The following PAX5 variants were observed in gnomAD, a reference collection of about 807,000 sequenced individuals.
PAX5 encodes the protein paired box protein Pax-5.
PAX5 carries 9 observed loss-of-function variants against 43.7 expected under a neutral mutation model. That is an observed-to-expected ratio of 0.21 (90% CI 0.12 to 0.36). PAX5 has a LOEUF of 0.36. PAX5 is among the 10% of genes least tolerant of loss of function. The pLI is 1.00. For synonymous variants in PAX5, 228 were observed against 214.3 expected (o/e 1.06, Z -0.56); for missense variants, 383 against 532.7 (o/e 0.72, Z 2.77).
intron 7 of PAX5, among the ~76,000 whole-genome samples, chr9:36,921,670 G>A (rs1458974700): frequency 2.0e-5 from 3 of 152,230 alleles, no homozygotes; most frequent in Non-Finnish European, 4.4e-5. Flanking sequence ...TCAGTGAAGT[G>A]CCAGTTTCTA....
intron 1 of PAX5, among the ~76,000 whole-genome samples, chr9:37,026,971 G>T (rs770505471): frequency 6.6e-6 from 1 of 152,200 alleles, no homozygotes; most frequent in Admixed American, 6.5e-5. Context: ...TGAGGAGGCC[G>T]CCGGAACAAT....
intron 7 of PAX5, among the ~76,000 whole-genome samples, chr9:36,907,751 G>A (rs996185648): frequency 1.3e-5 from 2 of 152,190 alleles, no homozygotes; most frequent in African/African-American, 2.4e-5. Flanking sequence ...TAAACTGTAT[G>A]TGTACATCCT....
intron 1 of PAX5, among the ~76,000 whole-genome samples, chr9:37,025,459 G>T (rs879714099): frequency 5.9e-5 from 9 of 152,196 alleles, no homozygotes; most frequent in Non-Finnish European, 8.8e-5. Flanking sequence ...GCATGGGGAC[G>T]GCTCCTAGCC....
chr9:36,962,487 T>C (rs1834055795), intron 6 of PAX5, among the ~76,000 whole-genome samples: 1 of 152,206 alleles, frequency 6.6e-6, no homozygotes, highest in Admixed American at 6.5e-5. Context: ...GGCATTTGCC[T>C]CGGGGGTCCA....
At chr9:37,033,867 TAGAC>T (rs1841260000) in intron 1 of PAX5, 115 bp downstream of exon 1, 15 of 787,140 alleles carry the variant, frequency 1.9e-5, no homozygotes, top group South Asian at 4.4e-5. Flanking sequence ...ACGCCGCAGT[TAGAC>T]AGTCTCTACG....
chr9:36,856,903 A>T (rs1823732960), intron 8 of PAX5, among the ~76,000 whole-genome samples: 1 of 152,228 alleles, frequency 6.6e-6, no homozygotes, highest in Non-Finnish European at 1.5e-5. Context: ...GGCCACTGGC[A>T]GATGCTTGGC....
intron 1 of PAX5, among the ~76,000 whole-genome samples, chr9:37,032,175 C>A (rs1841052014): frequency 6.6e-6 from 1 of 152,100 alleles, no homozygotes; most frequent in South Asian, 2.1e-4. Flanking sequence ...CCAAGCCCCA[C>A]CCAGTCCAGC....
At chr9:37,025,969 G>C (rs1171020093) in intron 1 of PAX5, among the ~76,000 whole-genome samples, 2 of 152,290 alleles carry the variant, frequency 1.3e-5, no homozygotes, top group South Asian at 2.1e-4. Flanking sequence ...CTCAGAAACC[G>C]CTACTTCCTT....
chr9:36,930,168 T>A (rs1831007560), intron 6 of PAX5, among the ~76,000 whole-genome samples: 1 of 151,594 alleles, frequency 6.6e-6, no homozygotes, highest in South Asian at 2.1e-4. Context: ...GTCAGGGTCA[T>A]CTTTCCCAAC....
At chr9:36,871,019 G>C (rs1449095347) in intron 8 of PAX5, among the ~76,000 whole-genome samples, 1 of 152,148 alleles carries the variant, frequency 6.6e-6, no homozygotes, top group Admixed American at 6.5e-5. Flanking sequence ...CAGGCCCAGA[G>C]TACTTTCTCC....
At chr9:37,030,628 C>T (rs1325843280) in intron 1 of PAX5, among the ~76,000 whole-genome samples, 1 of 152,240 alleles carries the variant, frequency 6.6e-6, no homozygotes, top group East Asian at 1.9e-4. Flanking sequence ...CAGGAAGAAA[C>T]TCAATTTATG....
chr9:36,869,466 C>G (rs970789697), intron 8 of PAX5, among the ~76,000 whole-genome samples: 1 of 152,256 alleles, frequency 6.6e-6, no homozygotes, highest in African/African-American at 2.4e-5. Flanking sequence ...AAAGCTTTAG[C>G]TGTGCCCCTA....
chr9:36,947,191 C>A (rs1242957628), intron 6 of PAX5, among the ~76,000 whole-genome samples: 3 of 152,250 alleles, frequency 2.0e-5, no homozygotes, highest in Middle Eastern at 6.8e-3. Context: ...GCTCCAGAGG[C>A]AGCACCATCA....
intron 1 of PAX5, among the ~76,000 whole-genome samples, chr9:37,029,941 C>T (rs958455590): frequency 6.6e-6 from 1 of 152,212 alleles, no homozygotes; most frequent in Non-Finnish European, 1.5e-5. Flanking sequence ...AAAAGCGCCT[C>T]TCCAGAGCCG....
At chr9:36,988,065 G>A (rs1588154489) in intron 5 of PAX5, among the ~76,000 whole-genome samples, 1 of 152,182 alleles carries the variant, frequency 6.6e-6, no homozygotes, top group Non-Finnish European at 1.5e-5. Context: ...AGCGGGGGAG[G>A]AGAAAGGATC....
chr9:37,023,349 G>GGCTT (rs1050398019), intron 1 of PAX5, among the ~76,000 whole-genome samples: 3 of 152,174 alleles, frequency 2.0e-5, no homozygotes, highest in African/African-American at 7.2e-5. Context: ...TGCCAGCTCT[G>GGCTT]GCCCTGCATC....
Position 36,882,054 on chromosome 9 carries a change from G to T in PAX5, c.962C>A (p.Pro321His), listed in dbSNP as rs577863510. The T allele has an allele frequency of 3.7e-6, 6 of 1,611,990 alleles. No homozygotes were observed. The highest frequency in any genetic ancestry group is 1.7e-5 in the Admixed American group (1 of 59,884). ...TGCTGAGTAGCTGCCCTGTCCAGCG[G>T]GGGGGACGTGTGGAGGGTACCCGGG... is the stretch of plus-strand genomic sequence containing the variant. Reference protein sequence around the residue: ...TLPGYPPHVPPAGQGSYSAPT... With the variant: ...TLPGYPPHVPHAGQGSYSAPT... The change falls in exon 8 of 10, where the codon CCC becomes CAC. Residue 321 changes from proline to histidine, a missense_variant. Pro to His is a moderately conservative substitution (Grantham distance 77). Transcript: ENST00000358127. This position sits in a 1 kb window ranked among gnomAD's most constrained non-coding sequence, Gnocchi z 4.4.
At chr9:37,032,174 A>C (rs147204069) in intron 1 of PAX5, among the ~76,000 whole-genome samples, 37 of 148,186 alleles carry the variant, frequency 2.5e-4, no homozygotes, top group African/African-American at 9.2e-4. Context: ...CCCAAGCCCC[A>C]CCCAGTCCAG....
intron 5 of PAX5, among the ~76,000 whole-genome samples, chr9:36,974,531 C>T (rs1835259705): frequency 6.6e-6 from 1 of 152,112 alleles, no homozygotes; most frequent in Non-Finnish European, 1.5e-5. Context: ...CTCAAAGTGG[C>T]AACGCTGGGA....
Sources: gnomAD v4.1 joint callset for allele counts (sites outside exome capture counted in the v4.1 genomes callset) on GRCh38, gnomAD v4.1.1 for gene constraint, Gnocchi (gnomAD v3.1) non-coding constraint, MANE v1.5 for transcripts, NCBI Gene and HGNC (gene_info 2026-07-23, HGNC 2026-07-21) for gene names.